LRRC72: variants seen among roughly 807,000 people sequenced by gnomAD.
LRRC72 encodes the protein leucine rich repeat containing 72.
A neutral mutation model predicts 35.8 loss-of-function variants in LRRC72; 41 were observed. That is an observed-to-expected ratio of 1.15 (90% CI 0.89 to 1.49). LRRC72 has a LOEUF of 1.49. Ranked by LOEUF, LRRC72 falls within the 40% of genes most tolerant of loss-of-function variation. The pLI is 0.00. For synonymous variants in LRRC72, 118 were observed against 119.2 expected (o/e 0.99, Z 0.07); for missense variants, 389 against 330.7 (o/e 1.18, Z -1.37).
At chr7:16,572,005 T>TG (rs1240920548) in intron 7 of LRRC72, among the ~76,000 whole-genome samples, 1 of 151,944 alleles carries the variant, frequency 6.6e-6, no homozygotes, top group Non-Finnish European at 1.5e-5. Context: ...CCGAGCTTGG[T>TG]GGGGGGAGGG....
In LRRC72 at chr7:16,538,029, T is replaced by A. The variant is rs572980630; in HGVS notation, c.234+333T>A. On this transcript the variant is annotated intron_variant, in intron 3 of 8. Coordinates refer to ENST00000401542, the MANE Select transcript of LRRC72 (RefSeq NM_001195280.2). ...AAACCTGGGCAGCCCCATAACCTTT[T>A]TCATCTCTCTTAGGTAATACAAAAT... Among the ~76,000 whole-genome samples, 5 of 152,290 alleles carry A rather than the reference T, an allele frequency of 3.3e-5. No individual in the cohort carries two copies. The East Asian group carries it at 9.6e-4, about 29-fold the overall frequency.
intron 1 of LRRC72, among the ~76,000 whole-genome samples, chr7:16,532,219 A>T (rs2128334387): frequency 6.6e-6 from 1 of 152,290 alleles, no homozygotes; most frequent in Admixed American, 6.5e-5. Flanking sequence ...AATAAAAAAA[A>T]CTTGCTTTTG....
Position 16,567,457 on chromosome 7 carries a change from A to T in LRRC72, c.584A>T (p.Gln195Leu), listed in dbSNP as rs1237660854. The T allele has an allele frequency of 3.3e-6, 5 of 1,535,354 alleles. No homozygotes were observed. Among genetic ancestry groups the T allele is most frequent in the Non-Finnish European group, 4.4e-6 (5 of 1,139,988 alleles). ...IFNHKKAHIV[Q>L]SIAFGGKVDA... ...AACCATAAAAAGGCTCATATCGTTC[A>T]ATCAATAGCATTCGGAGGAAAAGTG... The change falls in exon 7 of 9, where the codon CAA becomes CTA. Residue 195 changes from glutamine to leucine, a missense_variant. Coordinates refer to ENST00000401542, the MANE Select transcript of LRRC72 (RefSeq NM_001195280.2).
chr7:16,551,132 T>C (rs190524899), intron 3 of LRRC72, among the ~76,000 whole-genome samples: 4 of 152,040 alleles, frequency 2.6e-5, no homozygotes, highest in African/African-American at 9.7e-5. Context: ...AAAATCCTTA[T>C]AACAAAAAGG....
At chr7:16,545,587 A>G (rs1782430885) in intron 3 of LRRC72, among the ~76,000 whole-genome samples, 1 of 152,198 alleles carries the variant, frequency 6.6e-6, no homozygotes, top group Non-Finnish European at 1.5e-5. Flanking sequence ...CCACTGTAGA[A>G]TGTAAGAGCT....
intron 3 of LRRC72, among the ~76,000 whole-genome samples, chr7:16,551,761 C>T (rs1782553450): frequency 6.6e-6 from 1 of 151,054 alleles, no homozygotes; most frequent in Non-Finnish European, 1.5e-5. Context: ...TTGTAATATC[C>T]TTTATTAAAA....
At position 16,532,504 on chromosome 7, in the gene LRRC72, G is replaced by T; in HGVS notation, c.100G>T (p.Asp34Tyr). 6.5e-7 allele frequency: 1 copy of T among 1,549,748 alleles called. No individual in the cohort carries two copies. Among genetic ancestry groups the T allele is most frequent in the East Asian group, 2.4e-5 (1 of 40,890 alleles). The stretch of plus-strand genomic sequence containing the variant: ...AATTATATGTTATCAGGCAGTTGAA[G>T]ATCAGCTAAAGATATGTGGCCACAG... ...ALQSSRRAVE[D>Y]QLKICGHRRD... The change falls in exon 2 of 9, where the codon GAT becomes TAT. Residue 34 changes from aspartate to tyrosine, a missense_variant. Coordinates refer to ENST00000401542, the MANE Select transcript of LRRC72 (RefSeq NM_001195280.2).
At chr7:16,570,733 T>A (rs1782927717) in intron 7 of LRRC72, among the ~76,000 whole-genome samples, 1 of 152,120 alleles carries the variant, frequency 6.6e-6, no homozygotes, top group African/African-American at 2.4e-5. Context: ...GGTATGAGAA[T>A]CGCTTGAACC....
chr7:16,576,974 C>T (rs1312572299), intron 7 of LRRC72, among the ~76,000 whole-genome samples: 2 of 152,312 alleles, frequency 1.3e-5, no homozygotes, highest in African/African-American at 4.8e-5. Context: ...CAAGGCAGGA[C>T]ACAATCCAGA....
rs554732301 is a variant in LRRC72, at chr7:16,571,945, G to T, written c.670+4402G>T. On this transcript the variant is annotated intron_variant, in intron 7 of 8. Transcript: ENST00000401542. ...GAGCCCAGCAAGCTAAGATCCACTGGCTTGAAATTCTCCTTGCCAGCACAA... is the reference window on the plus strand; with the variant it reads ...GAGCCCAGCAAGCTAAGATCCACTGTCTTGAAATTCTCCTTGCCAGCACAA... 1.2e-3 allele frequency among the ~76,000 whole-genome samples: 190 copies of T among 152,324 alleles called. 3 individuals are homozygous for T. Among genetic ancestry groups the T allele is most frequent in the African/African-American group, 4.3e-3 (177 of 41,580 alleles).
At chr7:16,536,819 T>A (rs993369446) in intron 2 of LRRC72, 8 of 152,196 alleles carry the variant, frequency 5.3e-5, no homozygotes, top group Admixed American at 2.0e-4. Context: ...TTGATATTTT[T>A]ATGCTTTGAA....
At chr7:16,568,813 A>T (rs1782893955) in intron 7 of LRRC72, among the ~76,000 whole-genome samples, 1 of 152,240 alleles carries the variant, frequency 6.6e-6, no homozygotes, top group East Asian at 1.9e-4. Context: ...ACAGAGATTC[A>T]CAACAGACTC....
intron 1 of LRRC72, among the ~76,000 whole-genome samples, chr7:16,528,264 A>G (rs532825400): frequency 6.6e-6 from 1 of 151,940 alleles, no homozygotes; most frequent in Admixed American, 6.6e-5. Context: ...TAGACACTTC[A>G]TCGTGATCTT....
At chr7:16,566,557 TGAAA>T (rs1380485920) in intron 6 of LRRC72, among the ~76,000 whole-genome samples, 155 bp downstream of exon 6, 1 of 152,238 alleles carries the variant, frequency 6.6e-6, no homozygotes. Context: ...TATTTATTTT[TGAAA>T]GACTTGCTCT....
At chr7:16,580,013 T>C in intron 7 of LRRC72, 61 bp from the exon 8 acceptor site, 1 of 366,860 alleles carries the variant, frequency 2.7e-6, no homozygotes, top group Non-Finnish European at 5.4e-6. Flanking sequence ...ATTGTTCCAC[T>C]GTTTTTAAAT....
rs995561949 is a variant in LRRC72, at chr7:16,566,356, A to G, written c.471A>G (p.Leu157=). 6.0e-5 allele frequency: 93 copies of G among 1,547,606 alleles called. No homozygotes were observed. The highest frequency in any genetic ancestry group is 7.9e-5 in the Non-Finnish European group (90 of 1,145,958). Residue 157 remains leucine (L), a synonymous_variant, in exon 6 of 9, where the codon TTA becomes TTG. Coordinates refer to ENST00000401542, the MANE Select transcript of LRRC72 (RefSeq NM_001195280.2). ...TGTGCCAATATAACCTGTATCGTTT[A>G]TATATCATCTACCACCTTCCAGGAG... is the stretch of plus-strand genomic sequence containing the variant. ...NPLCQYNLYR[L]YIIYHLPGVE...
intron 7 of LRRC72, among the ~76,000 whole-genome samples, chr7:16,571,661 C>T (rs1440047515): frequency 6.6e-6 from 1 of 152,164 alleles, no homozygotes; most frequent in Non-Finnish European, 1.5e-5. Flanking sequence ...AGCTATCCGG[C>T]CCAGATACTA....
At chr7:16,577,369 A>G (rs1347316531) in intron 7 of LRRC72, among the ~76,000 whole-genome samples, 1 of 152,214 alleles carries the variant, frequency 6.6e-6, no homozygotes, top group Non-Finnish European at 1.5e-5. Flanking sequence ...TAAGGGAGAT[A>G]CCATATACAA....
intron 8 of LRRC72, among the ~76,000 whole-genome samples, chr7:16,580,382 C>A (rs1783119812): frequency 6.6e-6 from 1 of 152,206 alleles, no homozygotes; most frequent in Non-Finnish European, 1.5e-5. Flanking sequence ...GTGGCTCATG[C>A]CTGTAATCCC....
Sources: allele counts gnomAD v4.1 joint callset (sites outside exome capture counted in the v4.1 genomes callset), GRCh38; gene constraint gnomAD v4.1.1; transcripts MANE v1.5; gene names NCBI Gene and HGNC (gene_info 2026-07-23, HGNC 2026-07-21).